The following USP32 variants were observed in gnomAD, a reference collection of about 807,000 sequenced individuals.
The protein encoded by USP32 is ubiquitin carboxyl-terminal hydrolase 32.
A neutral mutation model predicts 204.8 loss-of-function variants in USP32; 59 were observed. That is an observed-to-expected ratio of 0.29 (90% CI 0.23 to 0.36). USP32 has a LOEUF of 0.36. Among genes scored for constraint, USP32 ranks in the 10% least tolerant of loss-of-function variants. The pLI is 1.00. For synonymous variants in USP32, 517 were observed against 678.4 expected, an observed-to-expected ratio of 0.76 and a Z score of 3.70; for missense variants, 1,160 against 1,946.4, an observed-to-expected ratio of 0.60 and a Z score of 7.60.
At chr17:60,367,209 G>C (rs2089334909) in intron 1 of USP32, among the ~76,000 whole-genome samples, 5 of 152,136 alleles carry the variant, frequency 3.3e-5, no homozygotes. Flanking sequence ...AACCAACCGA[G>C]GATACAAAAT....
chr17:60,362,945 C>T (rs1228272188), intron 1 of USP32, among the ~76,000 whole-genome samples: 1 of 151,524 alleles, frequency 6.6e-6, no homozygotes, highest in African/African-American at 2.4e-5. Flanking sequence ...ACTCATTAAA[C>T]AAAATAAGAT....
chr17:60,342,965 G>T (rs2088696033), intron 2 of USP32, among the ~76,000 whole-genome samples: 2 of 152,172 alleles, frequency 1.3e-5, no homozygotes, highest in Non-Finnish European at 2.9e-5. Context: ...GATGAACCAG[G>T]TACCTCAGTT....
intron 2 of USP32, among the ~76,000 whole-genome samples, chr17:60,303,969 C>T (rs73318879): frequency 6.6e-6 from 1 of 150,794 alleles, no homozygotes; most frequent in East Asian, 1.9e-4. Flanking sequence ...TGATATCCTA[C>T]AAAAAAAAGA....
At chr17:60,225,517 G>C (rs1445082583) in intron 13 of USP32, among the ~76,000 whole-genome samples, 1 of 152,168 alleles carries the variant, frequency 6.6e-6, no homozygotes, top group Non-Finnish European at 1.5e-5. Flanking sequence ...ATATGGAAAA[G>C]AGGTTTTCTT....
intron 1 of USP32, among the ~76,000 whole-genome samples, chr17:60,348,889 C>T (rs1284614384): frequency 6.6e-6 from 1 of 151,924 alleles, no homozygotes; most frequent in Non-Finnish European, 1.5e-5. Context: ...ACAATAAGAA[C>T]CACTAGTTGA....
chr17:60,405,269 C>G (rs758168502), intron 1 of USP32, among the ~76,000 whole-genome samples: 17 of 152,130 alleles, frequency 1.1e-4, no homozygotes, highest in Non-Finnish European at 2.2e-4. Context: ...GTGGCTCAAT[C>G]TCGGCTCACC....
intron 27 of USP32, among the ~76,000 whole-genome samples, chr17:60,193,550 C>G (rs1322869626): frequency 1.3e-5 from 2 of 152,042 alleles, no homozygotes; most frequent in Non-Finnish European, 2.9e-5. Context: ...TACATATTAT[C>G]AAAACATAAG....
intron 2 of USP32, among the ~76,000 whole-genome samples, chr17:60,314,078 A>C (rs948912375): frequency 6.6e-6 from 1 of 151,638 alleles, no homozygotes; most frequent in African/African-American, 2.4e-5. Context: ...AAGAAACATG[A>C]AACTTTAGAG....
At chr17:60,328,755 G>A (rs559229614) in intron 2 of USP32, among the ~76,000 whole-genome samples, 1 of 152,300 alleles carries the variant, frequency 6.6e-6, no homozygotes, top group East Asian at 1.9e-4. Flanking sequence ...GCTTCCAGAC[G>A]CCATCACACT....
At chr17:60,353,815 C>T (rs1031476667) in intron 1 of USP32, among the ~76,000 whole-genome samples, 1 of 152,212 alleles carries the variant, frequency 6.6e-6, no homozygotes, top group Non-Finnish European at 1.5e-5. Context: ...TCAGAACTCA[C>T]TGTCCATGAA....
In USP32 at chr17:60,222,442, G is replaced by C; in HGVS notation, c.1716C>G (p.His572Gln). The C allele has an allele frequency of 6.2e-7, 1 of 1,614,110 alleles. No individual in the cohort carries two copies. ...VPEPVWRALYHWYGANLALPR... is the reference protein window; with the variant it reads ...VPEPVWRALYQWYGANLALPR... Reference sequence around the variant, plus strand: ...GTAAGGCCAGGTTTGCTCCATACCAGTGATAAAGTGCTCTCCACACAGGTT... The same window carrying C: ...GTAAGGCCAGGTTTGCTCCATACCACTGATAAAGTGCTCTCCACACAGGTT... The change falls in exon 15 of 34, where the codon CAC (histidine) becomes CAG (glutamine). Residue 572 changes from histidine to glutamine, a missense_variant. Around this residue, in one of 8 missense-constraint regions of USP32, gnomAD observed 536 missense variants for 680.9 expected, o/e 0.79. Transcript: ENST00000300896.
intron 22 of USP32, 23 bp from the exon 23 acceptor site, chr17:60,208,851 T>A: frequency 6.5e-7 from 1 of 1,536,178 alleles, no homozygotes; most frequent in Non-Finnish European, 8.7e-7. Flanking sequence ...AAGATGAGAA[T>A]TTTCTCTCAA....
At position 60,192,714 on chromosome 17, in the gene USP32, C is replaced by T. The variant is rs1287298108; in HGVS notation, c.3521+130G>A. Reference sequence around the variant, plus strand: ...TGATGGGAATACAGGCGTGAGCCACCGTGCCCAGCCACAATTCTTAAGTTT... The same window carrying T: ...TGATGGGAATACAGGCGTGAGCCACTGTGCCCAGCCACAATTCTTAAGTTT... On this transcript the variant is annotated intron_variant, in intron 28 of 33. Transcript: ENST00000300896. 1.9e-5 allele frequency: 22 copies of T among 1,188,192 alleles called. No individual in the cohort carries two copies. In the East Asian group the frequency reaches 2.4e-4, roughly 13 times the overall value. The allele number at this position is 1,188,192 out of a possible 1,614,324, so 73.6% of individuals were successfully genotyped here.
At chr17:60,262,215 G>C (rs1205316517) in intron 9 of USP32, among the ~76,000 whole-genome samples, 2 of 152,160 alleles carry the variant, frequency 1.3e-5, no homozygotes, top group Non-Finnish European at 2.9e-5. Flanking sequence ...ATTTGAGACA[G>C]AGTTTCACTC....
chr17:60,308,326 C>A (rs1208647135), intron 2 of USP32, among the ~76,000 whole-genome samples: 1 of 152,178 alleles, frequency 6.6e-6, no homozygotes, highest in Non-Finnish European at 1.5e-5. Context: ...CCCCTAGATG[C>A]TGCCCCTGGT....
chr17:60,317,729 T>C (rs1319415259), intron 2 of USP32, among the ~76,000 whole-genome samples: 2 of 151,570 alleles, frequency 1.3e-5, no homozygotes, highest in African/African-American at 2.4e-5. Flanking sequence ...AGAGGGAGGA[T>C]TGCTTGGGCC....
chr17:60,366,889 C>A (rs2146074278), intron 1 of USP32, among the ~76,000 whole-genome samples: 1 of 152,050 alleles, frequency 6.6e-6, no homozygotes, highest in Non-Finnish European at 1.5e-5. Context: ...AGGGTGCGAT[C>A]TCGGCTCACT....
chr17:60,320,161 C>T (rs1341412547), intron 2 of USP32, among the ~76,000 whole-genome samples: 1 of 152,136 alleles, frequency 6.6e-6, no homozygotes, highest in East Asian at 1.9e-4. Context: ...TTGGAAACTG[C>T]AACTTCAAAT....
chr17:60,251,671 T>C (rs1247919718), intron 11 of USP32, among the ~76,000 whole-genome samples: 2 of 152,210 alleles, frequency 1.3e-5, no homozygotes, highest in African/African-American at 4.8e-5. Flanking sequence ...ACTATAGCTA[T>C]AAAATATGCA....
Sources: allele counts gnomAD v4.1 joint callset (sites outside exome capture counted in the v4.1 genomes callset), GRCh38; gene constraint gnomAD v4.1.1; regional missense constraint gnomAD v4.1.1; transcripts MANE v1.5; gene names NCBI Gene and HGNC (gene_info 2026-07-23, HGNC 2026-07-21).